HPGDS: variants seen among roughly 807,000 people sequenced by gnomAD.
The protein encoded by HPGDS is GST class-sigma.
A neutral mutation model predicts 23.1 loss-of-function variants in HPGDS; 26 were observed. The ratio of observed to expected loss-of-function variants is 1.13; its 90% CI spans 0.83 to 1.56. HPGDS has a LOEUF of 1.56. Among genes scored for constraint, HPGDS ranks in the 40% most tolerant of loss-of-function variants. The pLI is 0.00. For missense variants in HPGDS, 268 were observed against 236.4 expected (o/e 1.13, Z -0.88); for synonymous variants, 95 against 77.9 (o/e 1.22, Z -1.16).
intron 2 of HPGDS, among the ~76,000 whole-genome samples, chr4:94,321,474 T>C (rs1294589708): frequency 1.3e-5 from 2 of 152,220 alleles, no homozygotes; most frequent in African/African-American, 2.4e-5. Context: ...GAAGAGGTCC[T>C]TCACATCCCT....
intron 2 of HPGDS, chr4:94,334,204 G>C (rs1008149177): frequency 9.1e-6 from 2 of 220,744 alleles, no homozygotes; most frequent in African/African-American, 4.6e-5. Flanking sequence ...AGCTATCCCA[G>C]TGACAAAATA....
intron 1 of HPGDS, among the ~76,000 whole-genome samples, chr4:94,334,859 C>T (rs1455898674): frequency 6.6e-6 from 1 of 152,150 alleles, no homozygotes; most frequent in Non-Finnish European, 1.5e-5. Flanking sequence ...TAGAACATTA[C>T]AGTGAAATAA....
At chr4:94,305,496 C>G (rs576164174) in intron 4 of HPGDS, among the ~76,000 whole-genome samples, 71 of 152,162 alleles carry the variant, frequency 4.7e-4, no homozygotes, top group Admixed American at 1.2e-3. Flanking sequence ...ACAATAAATA[C>G]TAAGTAGATA....
At chr4:94,324,452 C>G (rs1358457728) in intron 2 of HPGDS, among the ~76,000 whole-genome samples, 5 of 152,070 alleles carry the variant, frequency 3.3e-5, no homozygotes, top group Admixed American at 2.0e-4. Flanking sequence ...AGACTTTGTT[C>G]ATTTCTTTTT....
chr4:94,310,772 G>A (rs1377681521), intron 3 of HPGDS, among the ~76,000 whole-genome samples: 1 of 152,128 alleles, frequency 6.6e-6, no homozygotes, highest in Non-Finnish European at 1.5e-5. Context: ...CCATGAGCAT[G>A]GAATGTTCTT....
chr4:94,319,780 A>G (rs1252497085), intron 2 of HPGDS, among the ~76,000 whole-genome samples: 1 of 152,058 alleles, frequency 6.6e-6, no homozygotes, highest in Non-Finnish European at 1.5e-5. Context: ...TTTGTATTAT[A>G]CTTTAAGTTC....
intron 3 of HPGDS, among the ~76,000 whole-genome samples, chr4:94,313,537 G>T (rs1018768170): frequency 9.2e-5 from 14 of 152,182 alleles, no homozygotes; most frequent in African/African-American, 2.4e-5. Context: ...TCCTTTGTGG[G>T]TAACCCGACC....
At chr4:94,299,788 C>T in intron 5 of HPGDS, 144 bp from the exon 6 acceptor site, 1 of 724,366 alleles carries the variant, frequency 1.4e-6, no homozygotes, top group Non-Finnish European at 2.2e-6. Flanking sequence ...GATAGAAGTT[C>T]AGAAAATTAC....
intron 1 of HPGDS, among the ~76,000 whole-genome samples, chr4:94,340,989 A>G (rs1359455619): frequency 6.7e-6 from 1 of 149,230 alleles, no homozygotes; most frequent in Non-Finnish European, 1.5e-5. Context: ...GGGATTACAG[A>G]CGCCCACCAC....
chr4:94,307,389 A>C (rs1386531), intron 4 of HPGDS, among the ~76,000 whole-genome samples: 4,027 of 152,214 alleles, frequency 0.026, 75 homozygotes, highest in Middle Eastern at 0.058. Context: ...ACCATACCAG[A>C]GCGAAGCAGT....
intron 2 of HPGDS, among the ~76,000 whole-genome samples, chr4:94,322,571 T>A (rs929454047): frequency 6.6e-6 from 1 of 152,244 alleles, no homozygotes; most frequent in Non-Finnish European, 1.5e-5. Flanking sequence ...TAGTATTCTC[T>A]GATGGTAGTT....
At chr4:94,306,391 A>G (rs1286136113) in intron 4 of HPGDS, among the ~76,000 whole-genome samples, 2 of 152,142 alleles carry the variant, frequency 1.3e-5, no homozygotes, top group East Asian at 1.9e-4. Flanking sequence ...ATTTTTAAAA[A>G]GATAGAACCC....
intron 4 of HPGDS, among the ~76,000 whole-genome samples, chr4:94,307,673 T>C (rs75998705): frequency 0.01 from 1,560 of 152,144 alleles, 24 homozygotes; most frequent in African/African-American, 0.035. Flanking sequence ...CTCCAAGAAA[T>C]ATTGGAAATA....
At chr4:94,308,586 G>T in intron 4 of HPGDS, 48 bp downstream of exon 4, 1 of 912,032 alleles carries the variant, frequency 1.1e-6, no homozygotes, top group Non-Finnish European at 1.8e-6. Context: ...ACAATGTCTG[G>T]CAGGTGGTAT....
At chr4:94,316,852 A>G (rs1467895613) in intron 3 of HPGDS, among the ~76,000 whole-genome samples, 3 of 152,248 alleles carry the variant, frequency 2.0e-5, no homozygotes, top group Non-Finnish European at 2.9e-5. Flanking sequence ...TGATGCACAT[A>G]AAGTTTGAAA....
Position 94,302,314 on chromosome 4 carries a change from GATTTCTCC to G in HPGDS, c.337-78_337-71del, listed in dbSNP as rs139909163. On this transcript the variant is annotated intron_variant, in intron 4 of 5. Coordinates refer to ENST00000295256, the MANE Select transcript of HPGDS (RefSeq NM_014485.3). ...AGTAACATGATCTGAGGAGGAAGTA[GATTTCTCC>G]ATCTTTATTCTCCCACATGAATTCA... is the stretch of plus-strand genomic sequence containing the variant. 2.7e-3 allele frequency: 2,746 copies of G among 1,024,876 alleles called. 35 individuals are homozygous for G. The African/African-American group carries it at 0.036, about 13-fold the overall frequency. 63.5% of individuals were successfully genotyped at this position (1,024,876 alleles called of 1,614,324 possible).
At chr4:94,303,767 C>G (rs1377057212) in intron 4 of HPGDS, 1 of 152,126 alleles carries the variant, frequency 6.6e-6, no homozygotes, top group Non-Finnish European at 1.5e-5. Flanking sequence ...CCTGTGTGCA[C>G]TCCTGGCAAA....
At chr4:94,312,167 T>C (rs1756288798) in intron 3 of HPGDS, among the ~76,000 whole-genome samples, 1 of 152,294 alleles carries the variant, frequency 6.6e-6, no homozygotes, top group African/African-American at 2.4e-5. Flanking sequence ...TAGTTATTTC[T>C]TGCCTTCTGC....
At chr4:94,334,399 T>G in intron 2 of HPGDS, 98 bp downstream of exon 2, 1 of 1,113,342 alleles carries the variant, frequency 9.0e-7, no homozygotes, top group Non-Finnish European at 1.3e-6. Flanking sequence ...TAAAGCTACA[T>G]GAGCTTCGAA....
Sources: allele counts gnomAD v4.1 joint callset (sites outside exome capture counted in the v4.1 genomes callset), GRCh38; gene constraint gnomAD v4.1.1; transcripts MANE v1.5; gene names NCBI Gene and HGNC (gene_info 2026-07-23, HGNC 2026-07-21).